The following CDYL variants were observed in gnomAD, a reference collection of about 807,000 sequenced individuals.
CDYL encodes the protein chromodomain Y-like protein.
In CDYL, 8 loss-of-function variants were observed where a neutral mutation model predicts 47.3. That is an observed-to-expected ratio of 0.17 (90% CI 0.10 to 0.31). The LOEUF (loss-of-function observed/expected upper bound fraction) is 0.31. Among genes scored for constraint, CDYL ranks in the 10% least tolerant of loss-of-function variants. The probability of loss-of-function intolerance (pLI) is 1.00; values close to 1 mark genes in which losing one functional copy is unlikely to be tolerated. For synonymous variants in CDYL, 266 were observed against 265.0 expected (o/e 1.00, Z -0.04); for missense variants, 471 against 701.4 (o/e 0.67, Z 3.71).
At chr6:4,713,747 C>G (rs1255877959) in intron 1 of CDYL, among the ~76,000 whole-genome samples, 1 of 152,044 alleles carries the variant, frequency 6.6e-6, no homozygotes, top group African/African-American at 2.4e-5. Flanking sequence ...GCCACCACAC[C>G]CAGCTAATTT....
chr6:4,825,869 G>T (rs976741240), intron 1 of CDYL, among the ~76,000 whole-genome samples: 8 of 147,892 alleles, frequency 5.4e-5, no homozygotes, highest in Non-Finnish European at 1.2e-4. Flanking sequence ...AAAAAAAAGA[G>T]AGTCACCTGA....
At chr6:4,940,817 A>G (rs1758341429) in intron 4 of CDYL, among the ~76,000 whole-genome samples, 1 of 152,226 alleles carries the variant, frequency 6.6e-6, no homozygotes, top group African/African-American at 2.4e-5. Flanking sequence ...GGGAGAGAAC[A>G]AAGTGAGCCA....
At chr6:4,742,661 T>C (rs1326053711) in intron 3 of CDYL, among the ~76,000 whole-genome samples, 1 of 152,244 alleles carries the variant, frequency 6.6e-6, no homozygotes, top group Non-Finnish European at 1.5e-5. Context: ...TGGATAGGAA[T>C]GGCAAAGACT....
intron 3 of CDYL, among the ~76,000 whole-genome samples, chr6:4,768,969 G>GT (rs1758296456): frequency 6.6e-6 from 1 of 152,130 alleles, no homozygotes; most frequent in African/African-American, 2.4e-5. Flanking sequence ...ACAAATTCCA[G>GT]TTGAGGACAT....
chr6:4,713,445 G>GA (rs1757191894), intron 1 of CDYL, among the ~76,000 whole-genome samples: 2 of 152,162 alleles, frequency 1.3e-5, no homozygotes, highest in Admixed American at 6.5e-5. Context: ...CCGTGAAACT[G>GA]ACGAAAAGTC....
intron 3 of CDYL, among the ~76,000 whole-genome samples, chr6:4,754,320 C>A (rs1413523850): frequency 6.6e-6 from 1 of 152,198 alleles, no homozygotes; most frequent in Non-Finnish European, 1.5e-5. Flanking sequence ...GCAAACCAAT[C>A]ACATTTTCAA....
At chr6:4,935,465 G>T in intron 2 of CDYL, 50 bp from the exon 3 acceptor site, 2 of 1,508,932 alleles carry the variant, frequency 1.3e-6, no homozygotes, top group South Asian at 1.1e-5. Context: ...ACCTGGGAGT[G>T]AACTGGTGGT....
chr6:4,802,760 A>G (rs983531005), intron 1 of CDYL, among the ~76,000 whole-genome samples: 4 of 136,310 alleles, frequency 2.9e-5, no homozygotes, highest in South Asian at 4.7e-4. Flanking sequence ...ATAAGTTTGT[A>G]TGAGAGTCAG....
At chr6:4,902,641 T>C (rs1482649588) in intron 2 of CDYL, among the ~76,000 whole-genome samples, 1 of 152,160 alleles carries the variant, frequency 6.6e-6, no homozygotes, top group Non-Finnish European at 1.5e-5. Flanking sequence ...AGCTAGGCAC[T>C]GCATTTATCT....
At chr6:4,943,403 T>C in intron 4 of CDYL, 143 bp from the exon 5 acceptor site, 1 of 636,206 alleles carries the variant, frequency 1.6e-6, no homozygotes. Context: ...GGTCCACAAC[T>C]GCTGGGGAAG....
At chr6:4,854,216 G>C (rs1225391359) in intron 1 of CDYL, among the ~76,000 whole-genome samples, 1 of 152,202 alleles carries the variant, frequency 6.6e-6, no homozygotes, top group Non-Finnish European at 1.5e-5. Context: ...ACCAGTGTCT[G>C]GCTCTCCTCA....
intron 1 of CDYL, among the ~76,000 whole-genome samples, chr6:4,799,007 G>A (rs187983765): frequency 6.6e-6 from 1 of 152,138 alleles, no homozygotes; most frequent in Admixed American, 6.5e-5. Flanking sequence ...TTTCTGTTTT[G>A]GTTTCTTAAG....
At chr6:4,745,528 G>A (rs1757878049) in intron 3 of CDYL, among the ~76,000 whole-genome samples, 1 of 151,780 alleles carries the variant, frequency 6.6e-6, no homozygotes, top group East Asian at 1.9e-4. Context: ...GATCACTTGA[G>A]GTCAGGAATT....
intron 4 of CDYL, among the ~76,000 whole-genome samples, chr6:4,940,544 G>T (rs1392811081): frequency 2.0e-5 from 3 of 152,238 alleles, no homozygotes; most frequent in Non-Finnish European, 4.4e-5. Context: ...CAGGTATCTA[G>T]AGCAGCTGAC....
intron 1 of CDYL, among the ~76,000 whole-genome samples, chr6:4,822,992 T>C (rs1388272127): frequency 2.6e-5 from 4 of 152,182 alleles, no homozygotes; most frequent in Non-Finnish European, 4.4e-5. Flanking sequence ...CCTTCTGTGC[T>C]CTGACGTAGA....
chr6:4,732,946 A>G (rs940434443), intron 2 of CDYL, among the ~76,000 whole-genome samples: 11 of 152,124 alleles, frequency 7.2e-5, no homozygotes, highest in African/African-American at 2.7e-4. Flanking sequence ...AGTGAAAGCT[A>G]CTTCGGATCC....
At chr6:4,945,976 C>A (rs1758501839) in intron 5 of CDYL, among the ~76,000 whole-genome samples, 1 of 152,242 alleles carries the variant, frequency 6.6e-6, no homozygotes, top group South Asian at 2.1e-4. Context: ...AGAGGATATG[C>A]CCATGCCTGT....
intron 3 of CDYL, among the ~76,000 whole-genome samples, chr6:4,746,273 A>G (rs182510391): frequency 1.3e-5 from 2 of 151,684 alleles, no homozygotes; most frequent in African/African-American, 4.8e-5. Flanking sequence ...CTGAGACAGG[A>G]GAATCACTTG....
chr6:4,737,370 G>A (rs955002022), intron 3 of CDYL, among the ~76,000 whole-genome samples: 5 of 103,770 alleles, frequency 4.8e-5, no homozygotes, highest in Non-Finnish European at 8.3e-5. Flanking sequence ...AAATTAAAAG[G>A]GGCCAGGCGC....
Sources: gnomAD v4.1 joint callset for allele counts (sites outside exome capture counted in the v4.1 genomes callset) on GRCh38, gnomAD v4.1.1 for gene constraint, MANE v1.5 for transcripts, NCBI Gene and HGNC (gene_info 2026-07-23, HGNC 2026-07-21) for gene names.